TMEM132D: variants seen among roughly 807,000 people sequenced by gnomAD.
TMEM132D encodes mature OL transmembrane protein.
A neutral mutation model predicts 62.3 loss-of-function variants in TMEM132D; 21 were observed. The ratio of observed to expected loss-of-function variants is 0.34; its 90% CI spans 0.24 to 0.49. The LOEUF (loss-of-function observed/expected upper bound fraction) is 0.49. Ranked by LOEUF, TMEM132D falls within the 20% of genes least tolerant of loss-of-function variation. TMEM132D has a pLI of 0.99. For missense variants in TMEM132D, 1,346 were observed against 1,402.8 expected, an observed-to-expected ratio of 0.96 and a Z score of 0.65; for synonymous variants, 621 against 575.6, an observed-to-expected ratio of 1.08 and a Z score of -1.13.
At chr12:129,491,290 A>G (rs1662954053) in intron 3 of TMEM132D, among the ~76,000 whole-genome samples, 1 of 152,230 alleles carries the variant, frequency 6.6e-6, no homozygotes, top group Admixed American at 6.5e-5. Flanking sequence ...GCCCACGGCA[A>G]CAAACAACAA....
chr12:129,446,644 T>C (rs995920574), intron 3 of TMEM132D, among the ~76,000 whole-genome samples: 1 of 152,222 alleles, frequency 6.6e-6, no homozygotes, highest in South Asian at 2.1e-4. Context: ...AGATGAATGA[T>C]AAAAATATTC....
intron 5 of TMEM132D, among the ~76,000 whole-genome samples, chr12:129,136,189 T>C (rs1396876719): frequency 6.6e-6 from 1 of 152,228 alleles, no homozygotes; most frequent in Non-Finnish European, 1.5e-5. Context: ...GTTGAAAATA[T>C]AGAACAGAGA....
intron 2 of TMEM132D, among the ~76,000 whole-genome samples, chr12:129,580,544 A>G (rs1877819611): frequency 6.6e-6 from 1 of 152,142 alleles, no homozygotes; most frequent in African/African-American, 2.4e-5. Context: ...AGATCCCTTT[A>G]AAAATCACAA....
chr12:129,374,269 C>CAGAGAGAGAGAGATAG (rs1870713779), intron 3 of TMEM132D, among the ~76,000 whole-genome samples: 1 of 144,266 alleles, frequency 6.9e-6, no homozygotes, highest in Non-Finnish European at 1.5e-5. Flanking sequence ...CCTCACACAT[C>CAGAGAGAGAGAGATAG]AGAGAGAGAG....
At chr12:129,429,254 G>A (rs372385395) in intron 3 of TMEM132D, among the ~76,000 whole-genome samples, 1 of 152,228 alleles carries the variant, frequency 6.6e-6, no homozygotes, top group East Asian at 1.9e-4. Flanking sequence ...GAAGAGCCTG[G>A]ATTCAGAGTT....
chr12:129,073,984 G>A lies in TMEM132D; in HGVS notation c.3191C>T (p.Ser1064Phe), dbSNP rs1470604063. The A allele has an allele frequency of 6.2e-7, 1 of 1,613,790 alleles. No homozygotes were observed. The highest frequency in any genetic ancestry group is 1.7e-5 in the Admixed American group (1 of 59,982). Reference sequence around the variant, plus strand: ...GTCATCCTCGCTACTCATCACGATGGAGTTCCTGGTGGGGTACTCGTCGTC... The same window carrying A: ...GTCATCCTCGCTACTCATCACGATGAAGTTCCTGGTGGGGTACTCGTCGTC... Reference protein sequence around the residue: ...SSDDEYPTRNSIVMSSEDDIK... With the variant: ...SSDDEYPTRNFIVMSSEDDIK... Residue 1064 changes from serine (S) to phenylalanine (F), a missense_variant, in exon 9 of 9, where the codon TCC becomes TTC. Transcript: ENST00000422113.
intron 1 of TMEM132D, among the ~76,000 whole-genome samples, chr12:129,793,858 G>A (rs1398850192): frequency 1.3e-5 from 2 of 152,052 alleles, no homozygotes; most frequent in African/African-American, 2.4e-5. Flanking sequence ...TTCTAAAAAT[G>A]CCACAGGCCT....
chr12:129,114,458 A>G (rs113769743), intron 5 of TMEM132D, among the ~76,000 whole-genome samples: 9 of 140,124 alleles, frequency 6.4e-5, no homozygotes, highest in African/African-American at 2.1e-4. Context: ...TTCTTTTCTC[A>G]TCTCTTCTCT....
intron 1 of TMEM132D, among the ~76,000 whole-genome samples, chr12:129,792,701 G>A (rs1871435246): frequency 6.6e-6 from 1 of 152,216 alleles, no homozygotes; most frequent in Non-Finnish European, 1.5e-5. Context: ...AGCTTTGTAA[G>A]AGGACTCTAA....
chr12:129,858,091 G>A (rs79152958), intron 1 of TMEM132D, among the ~76,000 whole-genome samples: 1 of 4 alleles, frequency 0.25, no homozygotes, highest in African/African-American at 0.5. Context: ...GGGTGCCCTT[G>A]TAACAGAGTC....
intron 2 of TMEM132D, among the ~76,000 whole-genome samples, chr12:129,613,411 A>G (rs1169956349): frequency 6.6e-6 from 1 of 152,088 alleles, no homozygotes; most frequent in Admixed American, 6.5e-5. Context: ...AATGACAGAC[A>G]CTCTCGTCTC....
chr12:129,356,786 G>A (rs1319107409), intron 3 of TMEM132D, among the ~76,000 whole-genome samples: 1 of 151,626 alleles, frequency 6.6e-6, no homozygotes, highest in African/African-American at 2.4e-5. Context: ...GATCGCTTGA[G>A]CCTGGGAGGT....
intron 1 of TMEM132D, among the ~76,000 whole-genome samples, chr12:129,737,510 C>A (rs1434470292): frequency 6.6e-6 from 1 of 152,134 alleles, no homozygotes; most frequent in Non-Finnish European, 1.5e-5. Context: ...GACACAAATC[C>A]TAGCCCCACC....
intron 5 of TMEM132D, among the ~76,000 whole-genome samples, chr12:129,207,244 A>AAGATG (rs147753169): frequency 0.18 from 27,474 of 151,562 alleles, 2,640 homozygotes; most frequent in Middle Eastern, 0.23. Context: ...GGACAGTCAG[A>AAGATG]AGATGAATAC....
At chr12:129,180,289 T>C (rs947656034) in intron 5 of TMEM132D, among the ~76,000 whole-genome samples, 10 of 152,070 alleles carry the variant, frequency 6.6e-5, no homozygotes, top group African/African-American at 2.4e-4. Flanking sequence ...TCCTGGGGAA[T>C]CAATCCACTC....
intron 2 of TMEM132D, among the ~76,000 whole-genome samples, chr12:129,532,432 C>T (rs1429928967): frequency 1.3e-5 from 2 of 152,116 alleles, no homozygotes; most frequent in African/African-American, 4.8e-5. Context: ...GGACAAAAGG[C>T]GAGGGGGAGA....
At chr12:129,223,633 T>C (rs1454374158) in intron 4 of TMEM132D, among the ~76,000 whole-genome samples, 4 of 152,194 alleles carry the variant, frequency 2.6e-5, no homozygotes, top group East Asian at 1.9e-4. Flanking sequence ...TGTGCAGCAA[T>C]AGATAACTGA....
At chr12:129,516,732 T>C in intron 3 of TMEM132D, among the ~76,000 whole-genome samples, 1 of 152,166 alleles carries the variant, frequency 6.6e-6, no homozygotes, top group East Asian at 1.9e-4. Flanking sequence ...TGTACTAACT[T>C]CTGATGGCTA....
At chr12:129,746,641 G>A (rs1869788901) in intron 1 of TMEM132D, among the ~76,000 whole-genome samples, 1 of 152,094 alleles carries the variant, frequency 6.6e-6, no homozygotes, top group Non-Finnish European at 1.5e-5. Flanking sequence ...TGAGAGCAAA[G>A]GGATTTCATC....
Sources: allele counts gnomAD v4.1 joint callset (sites outside exome capture counted in the v4.1 genomes callset), GRCh38; gene constraint gnomAD v4.1.1; transcripts MANE v1.5; gene names NCBI Gene and HGNC (gene_info 2026-07-23, HGNC 2026-07-21).